Variants in BBS9 observed in about 807,000 individuals in gnomAD.
The protein encoded by BBS9 is Bardet-Biedl syndrome 9.
In BBS9, 89 loss-of-function variants were observed where a neutral mutation model predicts 117.7. That is an observed-to-expected ratio of 0.76 (90% confidence interval 0.64 to 0.90). BBS9 has a LOEUF of 0.90. Among genes scored for constraint, BBS9 ranks in the 40% least tolerant of loss-of-function variants. BBS9 has a pLI of 0.00. For synonymous variants in BBS9, 379 were observed against 370.9 expected (o/e 1.02, Z -0.25); for missense variants, 982 against 1,042.2 (o/e 0.94, Z 0.80).
At chr7:33,363,683 G>T (rs986771259) in intron 16 of BBS9, among the ~76,000 whole-genome samples, 1 of 149,422 alleles carries the variant, frequency 6.7e-6, no homozygotes, top group Non-Finnish European at 1.5e-5. Flanking sequence ...GTATTTTTTA[G>T]ATTTTTTTTT....
In BBS9 at chr7:33,605,179, C is replaced by T. The variant is rs752332284; in HGVS notation, c.2633-16C>T. ...ATCTTTTCTCTCTCTTTCTCTCTTA[C>T]TCTCTTTTTTTCCAGAAGTTTCACC... On this transcript the variant is annotated splice_polypyrimidine_tract_variant and intron_variant, in intron 22 of 22. Coordinates refer to ENST00000242067, the MANE Select transcript of BBS9 (RefSeq NM_198428.3). 12 of 1,606,922 alleles carry T rather than the reference C, an allele frequency of 7.5e-6. No homozygotes were observed. Among genetic ancestry groups the T allele is most frequent in the Non-Finnish European group, 1.0e-5 (12 of 1,173,542 alleles).
intron 19 of BBS9, among the ~76,000 whole-genome samples, chr7:33,425,513 C>T (rs1240882711): frequency 6.6e-6 from 1 of 152,118 alleles, no homozygotes; most frequent in Non-Finnish European, 1.5e-5. Context: ...CCCACAGCCC[C>T]CTCCAGAGGC....
chr7:33,177,675 T>G, intron 5 of BBS9, 84 bp downstream of exon 5: 3 of 1,011,758 alleles, frequency 3.0e-6, no homozygotes, highest in Non-Finnish European at 4.7e-6. Flanking sequence ...ATTAAGTGGT[T>G]TGACTCTCAG....
chr7:33,543,369 A>G (rs1357943336), intron 21 of BBS9, among the ~76,000 whole-genome samples: 1 of 151,278 alleles, frequency 6.6e-6, no homozygotes. Context: ...CCCTTGTCAG[A>G]TGTATAGATT....
intron 20 of BBS9, among the ~76,000 whole-genome samples, chr7:33,508,008 G>A (rs1846387869): frequency 6.6e-6 from 1 of 152,256 alleles, no homozygotes; most frequent in East Asian, 1.9e-4. Context: ...TCTTTGTAAT[G>A]TGCAGTGCCT....
intron 21 of BBS9, among the ~76,000 whole-genome samples, chr7:33,563,932 A>T (rs916536227): frequency 6.6e-6 from 1 of 152,198 alleles, no homozygotes; most frequent in African/African-American, 2.4e-5. Context: ...AAGACTGCAG[A>T]TCTCTGTATA....
chr7:33,535,198 C>T (rs563135822), intron 21 of BBS9, among the ~76,000 whole-genome samples: 3 of 152,166 alleles, frequency 2.0e-5, no homozygotes, highest in African/African-American at 7.2e-5. Flanking sequence ...CTTATATGAC[C>T]CTGAGTATGT....
chr7:33,276,041 T>C (rs927443865), intron 9 of BBS9, among the ~76,000 whole-genome samples: 1 of 152,198 alleles, frequency 6.6e-6, no homozygotes, highest in African/African-American at 2.4e-5. Flanking sequence ...AATATTGCCA[T>C]TAGTATTTTC....
At chr7:33,618,093 A>T (rs1865230004) in intron 21 of BBS9, among the ~76,000 whole-genome samples, 1 of 152,130 alleles carries the variant, frequency 6.6e-6, no homozygotes, top group African/African-American at 2.4e-5. Flanking sequence ...TAATCCCAAC[A>T]CTTTAGGAGG....
chr7:33,299,077 T>C (rs545842864), intron 9 of BBS9, among the ~76,000 whole-genome samples: 7 of 152,322 alleles, frequency 4.6e-5, no homozygotes, highest in African/African-American at 1.7e-4. Flanking sequence ...ATGCAGACCC[T>C]GTGGGCAGCA....
intron 21 of BBS9, among the ~76,000 whole-genome samples, chr7:33,539,153 AG>A (rs1851893171): frequency 6.6e-6 from 1 of 152,208 alleles, no homozygotes; most frequent in African/African-American, 2.4e-5. Flanking sequence ...AAGATTATAC[AG>A]GTGTGAGTTT....
chr7:33,631,139 A>G (rs1244160769), intron 21 of BBS9, among the ~76,000 whole-genome samples: 1 of 152,176 alleles, frequency 6.6e-6, no homozygotes, highest in Non-Finnish European at 1.5e-5. Flanking sequence ...CAGGAGGCTC[A>G]TCAGAGTGTG....
intron 19 of BBS9, among the ~76,000 whole-genome samples, chr7:33,402,131 TA>T (rs1198678782): frequency 6.6e-6 from 1 of 152,216 alleles, no homozygotes; most frequent in Non-Finnish European, 1.5e-5. Context: ...TAGATGAGGT[TA>T]ATTTTATGAA....
intron 9 of BBS9, among the ~76,000 whole-genome samples, chr7:33,294,251 ACACACACACTCACG>A (rs979975318): frequency 9.2e-5 from 14 of 152,032 alleles, no homozygotes; most frequent in African/African-American, 3.4e-4. Context: ...TATGCCAAAC[ACACACACACTCACG>A]CACACAATAC....
intron 20 of BBS9, among the ~76,000 whole-genome samples, chr7:33,524,636 CTCTT>C (rs1017081396): frequency 2.0e-5 from 3 of 152,080 alleles, no homozygotes; most frequent in African/African-American, 7.2e-5. Flanking sequence ...TGATTCTTCT[CTCTT>C]TTTTTCTTTA....
chr7:33,172,390 AT>A (rs1325710160), intron 4 of BBS9, among the ~76,000 whole-genome samples: 3 of 151,704 alleles, frequency 2.0e-5, no homozygotes, highest in Non-Finnish European at 4.4e-5. Context: ...CAAAAAAAAA[AT>A]AATAAAAAAA....
chr7:33,147,703 G>C (rs1223022445), intron 2 of BBS9, among the ~76,000 whole-genome samples: 1 of 152,158 alleles, frequency 6.6e-6, no homozygotes, highest in Non-Finnish European at 1.5e-5. Context: ...AGTTCAGCTT[G>C]GTTGGAAACT....
chr7:33,611,708 A>C (rs1262611182), intron 21 of BBS9, among the ~76,000 whole-genome samples: 1 of 138,780 alleles, frequency 7.2e-6, no homozygotes, highest in East Asian at 2.0e-4. Context: ...AATATATATA[A>C]GGTGTATTAT....
intron 5 of BBS9, among the ~76,000 whole-genome samples, chr7:33,217,287 A>C (rs1386322971): frequency 6.6e-6 from 1 of 152,020 alleles, no homozygotes; most frequent in East Asian, 1.9e-4. Flanking sequence ...TGATGTATTT[A>C]TGGTATTTTT....
Sources: allele counts gnomAD v4.1 joint callset (sites outside exome capture counted in the v4.1 genomes callset), GRCh38; gene constraint gnomAD v4.1.1; transcripts MANE v1.5; gene names NCBI Gene and HGNC (gene_info 2026-07-23, HGNC 2026-07-21).